MBOAT2: variants seen among roughly 807,000 people sequenced by gnomAD.
The protein encoded by MBOAT2 is membrane bound glycerophospholipid O-acyltransferase 2, also known as membrane-bound glycerophospholipid O-acyltransferase 2.
MBOAT2 carries 28 observed loss-of-function variants against 63.4 expected under a neutral mutation model. That is an observed-to-expected ratio of 0.44 (90% CI 0.33 to 0.61). The LOEUF is 0.61. Among genes scored for constraint, MBOAT2 ranks in the 20% least tolerant of loss-of-function variants. MBOAT2 has a pLI of 0.03. For missense variants in MBOAT2, 470 were observed against 605.8 expected (o/e 0.78, Z 2.35); for synonymous variants, 211 against 215.6 (o/e 0.98, Z 0.19).
intron 9 of MBOAT2, among the ~76,000 whole-genome samples, chr2:8,866,444 A>T (rs1365972199): frequency 6.6e-6 from 1 of 152,166 alleles, no homozygotes; most frequent in Non-Finnish European, 1.5e-5. Context: ...TTCAACAATG[A>T]TCAATTTTTC....
chr2:8,910,221 G>A (rs999096978), intron 3 of MBOAT2, among the ~76,000 whole-genome samples: 1 of 152,110 alleles, frequency 6.6e-6, no homozygotes, highest in Admixed American at 6.6e-5. Context: ...GAAGGGTTGG[G>A]GATTGGGTTG....
intron 4 of MBOAT2, among the ~76,000 whole-genome samples, chr2:8,899,414 CA>C (rs144967200): frequency 0.026 from 3,982 of 152,238 alleles, 184 homozygotes; most frequent in African/African-American, 0.09. Context: ...GACAGTCATC[CA>C]GGACAGGAGA....
At chr2:8,977,740 T>C (rs577533659) in intron 1 of MBOAT2, among the ~76,000 whole-genome samples, 139 of 152,206 alleles carry the variant, frequency 9.1e-4, no homozygotes, top group African/African-American at 3.2e-3. Flanking sequence ...CTAATGAGTA[T>C]CTAAAATTTA....
At chr2:8,948,761 A>T (rs530848095) in intron 2 of MBOAT2, among the ~76,000 whole-genome samples, 1 of 152,260 alleles carries the variant, frequency 6.6e-6, no homozygotes, top group South Asian at 2.1e-4. Flanking sequence ...ATCTAGGTTG[A>T]TTCCATGTCT....
chr2:8,924,239 G>A (rs1666784688), intron 3 of MBOAT2, among the ~76,000 whole-genome samples: 1 of 152,092 alleles, frequency 6.6e-6, no homozygotes, highest in Admixed American at 6.6e-5. Context: ...GTCCTCTGTA[G>A]GGCAAATTCA....
In MBOAT2 at chr2:8,902,956, G is replaced by C. The variant is rs1364158602; in HGVS notation, c.395+5665C>G. Among the ~76,000 whole-genome samples, 3 of 152,148 alleles carry C rather than the reference G, an allele frequency of 2.0e-5. 1 individual carries two copies. Among genetic ancestry groups the C allele is most frequent in the African/African-American group, 7.2e-5 (3 of 41,436 alleles). On this transcript the variant is annotated intron_variant, in intron 4 of 12. Transcript: ENST00000305997. Reference sequence around the variant, plus strand: ...TGATTGGTCAATTTTACAGAGTGCTGACTGGTCCATTTTACAGAGTGCTGA... The same window carrying C: ...TGATTGGTCAATTTTACAGAGTGCTCACTGGTCCATTTTACAGAGTGCTGA...
intron 5 of MBOAT2, among the ~76,000 whole-genome samples, chr2:8,885,517 C>T (rs1431451301): frequency 6.6e-6 from 1 of 152,134 alleles, no homozygotes; most frequent in Non-Finnish European, 1.5e-5. Context: ...TACAAACATT[C>T]TGTTAGGTTC....
At chr2:8,991,069 A>C (rs1264570092) in intron 1 of MBOAT2, among the ~76,000 whole-genome samples, 4 of 152,202 alleles carry the variant, frequency 2.6e-5, no homozygotes, top group Non-Finnish European at 5.9e-5. Flanking sequence ...CAGCTGTGTC[A>C]GTCCTAGTAT....
intron 9 of MBOAT2, among the ~76,000 whole-genome samples, chr2:8,865,953 C>T (rs531964439): frequency 4.9e-4 from 74 of 152,314 alleles, no homozygotes; most frequent in African/African-American, 1.8e-3. Flanking sequence ...AGGAGAATCG[C>T]TTGAACCCGG....
Position 8,862,644 on chromosome 2 carries a change from T to G in MBOAT2, c.1131A>C (p.Pro377=). Residue 377 remains proline, a synonymous_variant, in exon 11 of 13, where the codon CCA becomes CCC. Coordinates refer to ENST00000305997, the MANE Select transcript of MBOAT2 (RefSeq NM_138799.4). This position sits in a 1 kb window ranked among gnomAD's most constrained non-coding sequence, Gnocchi z 4.3. ...CTGTTAGAAACGTTAGATAATATCC[T>G]GGGTATACCCCGTGCCAAATGGCAG... ...ILSAIWHGVY[P]GYYLTFLTGV... 6.2e-7 allele frequency: 1 copy of G among 1,614,070 alleles called. No homozygotes were observed. Among genetic ancestry groups the G allele is most frequent in the Non-Finnish European group, 8.5e-7 (1 of 1,179,982 alleles).
chr2:8,998,220 T>C (rs1260816985), intron 1 of MBOAT2, among the ~76,000 whole-genome samples: 2 of 152,228 alleles, frequency 1.3e-5, no homozygotes, highest in Non-Finnish European at 2.9e-5. Flanking sequence ...CTCAGTCCCA[T>C]ATGCCTTCCT....
intron 5 of MBOAT2, among the ~76,000 whole-genome samples, chr2:8,883,843 G>A (rs1015790132): frequency 1.4e-4 from 22 of 151,984 alleles, no homozygotes; most frequent in Non-Finnish European, 2.5e-4. Context: ...AACAATTGGG[G>A]AATGGGAATA....
intron 1 of MBOAT2, among the ~76,000 whole-genome samples, chr2:8,998,515 C>T (rs974784133): frequency 6.6e-6 from 1 of 151,988 alleles, no homozygotes; most frequent in African/African-American, 2.4e-5. Flanking sequence ...TAGTACAGAC[C>T]TGCAGGAAGA....
intron 4 of MBOAT2, among the ~76,000 whole-genome samples, chr2:8,890,067 G>A (rs1229816230): frequency 6.6e-6 from 1 of 152,166 alleles, no homozygotes; most frequent in Non-Finnish European, 1.5e-5. Context: ...TGTATTGCTG[G>A]TTCCAAGAAT....
At chr2:8,866,728 T>C (rs1661922400) in intron 9 of MBOAT2, among the ~76,000 whole-genome samples, 3 of 152,370 alleles carry the variant, frequency 2.0e-5, no homozygotes, top group Admixed American at 2.0e-4. Context: ...CAAAGCCTCT[T>C]TTAATCTGTA....
chr2:8,922,257 T>C (rs75868310), intron 3 of MBOAT2, among the ~76,000 whole-genome samples: 3,991 of 152,280 alleles, frequency 0.026, 185 homozygotes, highest in African/African-American at 0.09. Context: ...TCCCTATTTG[T>C]TAAATCATGA....
intron 2 of MBOAT2, among the ~76,000 whole-genome samples, chr2:8,945,079 T>C (rs1028322751): frequency 6.6e-6 from 1 of 152,228 alleles, no homozygotes; most frequent in Admixed American, 6.5e-5. Context: ...CAAACAGTGC[T>C]ATGGTGCCTC....
At chr2:8,974,518 A>G (rs974584429) in intron 1 of MBOAT2, 8 of 434,252 alleles carry the variant, frequency 1.8e-5, no homozygotes, top group African/African-American at 1.6e-4. Flanking sequence ...TGAATTAACC[A>G]ATCCAGAAAG....
chr2:8,873,964 A>G (rs1662525936), intron 7 of MBOAT2, among the ~76,000 whole-genome samples: 1 of 152,248 alleles, frequency 6.6e-6, no homozygotes, highest in South Asian at 2.1e-4. Flanking sequence ...GAAGGCCAGA[A>G]TATTTCAACT....
Sources: gnomAD v4.1 joint callset for allele counts (sites outside exome capture counted in the v4.1 genomes callset) on GRCh38, gnomAD v4.1.1 for gene constraint, Gnocchi (gnomAD v3.1) non-coding constraint, MANE v1.5 for transcripts, NCBI Gene and HGNC (gene_info 2026-07-23, HGNC 2026-07-21) for gene names.